Variants in SNTG2 observed in about 807,000 individuals in gnomAD.
The protein encoded by SNTG2 is syntrophin gamma 2.
A neutral mutation model predicts 70.9 loss-of-function variants in SNTG2; 74 were observed. The ratio of observed to expected loss-of-function variants is 1.04; its 90% CI spans 0.86 to 1.27. The LOEUF is 1.27. Among genes scored for constraint, SNTG2 ranks in the 50% most tolerant of loss-of-function variants. SNTG2 has a pLI of 0.00. For missense variants in SNTG2, 717 were observed against 690.7 expected (o/e 1.04, Z -0.43); for synonymous variants, 278 against 273.8 (o/e 1.02, Z -0.15).
intron 2 of SNTG2, among the ~76,000 whole-genome samples, chr2:1,094,397 C>T (rs1665245103): frequency 1.6e-5 from 1 of 64,210 alleles, no homozygotes; most frequent in East Asian, 7.0e-4. Context: ...GGACTGCAGG[C>T]GAAGGCCTTG....
At chr2:1,365,097 T>C (rs1282729671) in intron 16 of SNTG2, among the ~76,000 whole-genome samples, 4 of 152,142 alleles carry the variant, frequency 2.6e-5, no homozygotes, top group Non-Finnish European at 5.9e-5. Flanking sequence ...GTTTTTTTTT[T>C]TTCCTCTAAC....
chr2:1,302,782 G>A (rs1680513796), intron 14 of SNTG2, among the ~76,000 whole-genome samples: 1 of 152,144 alleles, frequency 6.6e-6, no homozygotes, highest in Non-Finnish European at 1.5e-5. Context: ...TGGTTTGAAA[G>A]TAAATGAGTA....
intron 1 of SNTG2, among the ~76,000 whole-genome samples, chr2:1,045,944 G>T (rs999234566): frequency 1.3e-4 from 20 of 152,074 alleles, no homozygotes; most frequent in African/African-American, 4.8e-4. Flanking sequence ...CTGCCTCATT[G>T]ATCTAGTACT....
intron 8 of SNTG2, among the ~76,000 whole-genome samples, chr2:1,188,127 G>T (rs1470094054): frequency 6.6e-6 from 1 of 152,178 alleles, no homozygotes; most frequent in Non-Finnish European, 1.5e-5. Flanking sequence ...ACAGCGTGCT[G>T]AAAACAATAG....
chr2:1,216,218 T>C (rs1239307176), intron 9 of SNTG2, among the ~76,000 whole-genome samples: 1 of 152,206 alleles, frequency 6.6e-6, no homozygotes, highest in African/African-American at 2.4e-5. Context: ...CAGCACCTGT[T>C]GTTTCCTGAC....
At position 987,589 on chromosome 2, in the gene SNTG2, G is replaced by A. The variant is rs577601689; in HGVS notation, c.72+36521G>A. Among the ~76,000 whole-genome samples, 331 of 152,186 alleles carry A rather than the reference G, an allele frequency of 2.2e-3. 1 individual carries two copies. Among genetic ancestry groups the A allele is most frequent in the Non-Finnish European group, 3.5e-3 (236 of 68,004 alleles). ...GGAGAAAGCAAGGGAAGATTCTCCC[G>A]AGAACTCTGAAAGCCGAGCAGCCCT... On this transcript the variant is annotated intron_variant, in intron 1 of 16. Coordinates refer to ENST00000308624, the MANE Select transcript of SNTG2 (RefSeq NM_018968.4).
At chr2:1,332,478 A>G (rs1326855229) in intron 16 of SNTG2, among the ~76,000 whole-genome samples, 1 of 152,226 alleles carries the variant, frequency 6.6e-6, no homozygotes, top group Non-Finnish European at 1.5e-5. Context: ...GAACAAAAAA[A>G]GAAAACTACA....
At chr2:1,151,115 G>A (rs1049557684) in intron 6 of SNTG2, among the ~76,000 whole-genome samples, 6 of 152,340 alleles carry the variant, frequency 3.9e-5, no homozygotes, top group African/African-American at 9.6e-5. Flanking sequence ...GAAAGTATCA[G>A]TGAAAGTGCA....
chr2:1,157,953 T>C (rs1670009475), intron 6 of SNTG2, among the ~76,000 whole-genome samples: 1 of 152,206 alleles, frequency 6.6e-6, no homozygotes, highest in Non-Finnish European at 1.5e-5. Flanking sequence ...GTCTCATTGC[T>C]CTAGGCACAA....
intron 2 of SNTG2, among the ~76,000 whole-genome samples, chr2:1,095,504 T>G (rs1402039346): frequency 5.3e-5 from 8 of 152,202 alleles, no homozygotes; most frequent in Admixed American, 5.2e-4. Context: ...ATGTTGGTTG[T>G]TAATGGTGTA....
intron 1 of SNTG2, among the ~76,000 whole-genome samples, chr2:952,316 G>A (rs578126938): frequency 6.6e-6 from 1 of 152,202 alleles, no homozygotes; most frequent in Non-Finnish European, 1.5e-5. Flanking sequence ...TTATAATGAT[G>A]CCCTCCCACG....
At position 1,197,521 on chromosome 2, in the gene SNTG2, G is replaced by GTATATA. The variant is rs59683479; in HGVS notation, c.592-11581_592-11580insATATAT. ...TATATGTGTATGTATATATATGTGT[G>GTATATA]TGTGTGTGTGTGTGTGTGTGTGTGT... On this transcript the variant is annotated intron_variant, in intron 8 of 16. Coordinates refer to ENST00000308624, the MANE Select transcript of SNTG2 (RefSeq NM_018968.4). 6.9e-3 allele frequency among the ~76,000 whole-genome samples: 647 copies of GTATATA among 93,376 alleles called. 7 individuals are homozygous for GTATATA. The highest frequency in any genetic ancestry group is 0.015 in the East Asian group (25 of 1,714). The allele number at this position is 93,376 out of a possible 152,430, so 61.3% of individuals were successfully genotyped here. A position where few individuals can be genotyped will look rare whatever the true frequency, so the allele number is the denominator to read the frequency against.
chr2:1,249,219 G>A (rs564361996), intron 12 of SNTG2, among the ~76,000 whole-genome samples: 15 of 152,134 alleles, frequency 9.9e-5, no homozygotes, highest in African/African-American at 1.4e-4. Context: ...TTGATACATC[G>A]TAACTGTTTT....
chr2:1,263,435 G>A (rs1325585421), intron 13 of SNTG2, among the ~76,000 whole-genome samples: 1 of 151,676 alleles, frequency 6.6e-6, no homozygotes, highest in Non-Finnish European at 1.5e-5. Context: ...TCCCTTTATT[G>A]TTGCTATAAT....
At chr2:1,301,420 CA>C (rs1238234374) in intron 14 of SNTG2, among the ~76,000 whole-genome samples, 2 of 152,130 alleles carry the variant, frequency 1.3e-5, no homozygotes, top group Non-Finnish European at 2.9e-5. Context: ...GAGAAGTACT[CA>C]AAAAATATTA....
At chr2:1,229,958 G>T (rs1002819301) in intron 9 of SNTG2, among the ~76,000 whole-genome samples, 1 of 152,298 alleles carries the variant, frequency 6.6e-6, no homozygotes, top group East Asian at 1.9e-4. Flanking sequence ...CGCAGCCCCC[G>T]TTCCCGCTCG....
chr2:1,240,616 G>T (rs980202609), intron 11 of SNTG2, among the ~76,000 whole-genome samples: 3 of 152,294 alleles, frequency 2.0e-5, no homozygotes, highest in Non-Finnish European at 4.4e-5. Context: ...GCGCACAAAA[G>T]ACTTTAAATA....
At chr2:1,204,022 G>A (rs1392439580) in intron 8 of SNTG2, among the ~76,000 whole-genome samples, 1 of 152,150 alleles carries the variant, frequency 6.6e-6, no homozygotes, top group Non-Finnish European at 1.5e-5. Context: ...GCTGAGAGAA[G>A]AAAGGTTTAC....
chr2:1,079,853 C>T (rs968011966), intron 1 of SNTG2, among the ~76,000 whole-genome samples: 3 of 152,148 alleles, frequency 2.0e-5, no homozygotes, highest in Non-Finnish European at 2.9e-5. Context: ...CGATCAATAT[C>T]ACATCTTTTT....
Sources: allele counts gnomAD v4.1 joint callset (sites outside exome capture counted in the v4.1 genomes callset), GRCh38; gene constraint gnomAD v4.1.1; transcripts MANE v1.5; gene names NCBI Gene and HGNC (gene_info 2026-07-23, HGNC 2026-07-21).